PIK3C2G: variants seen among roughly 807,000 people sequenced by gnomAD.
PIK3C2G encodes phosphatidylinositol 3-kinase C2 domain-containing subunit gamma.
Under a neutral mutation model 181.1 loss-of-function variants are expected in PIK3C2G, and 168 were observed. That is an observed-to-expected ratio of 0.93 (90% CI 0.82 to 1.05). The LOEUF is 1.05. Ranked by LOEUF, PIK3C2G falls within the 50% of genes least tolerant of loss-of-function variation. PIK3C2G has a pLI of 0.00. For missense variants in PIK3C2G, 1,869 were observed against 1,732.8 expected (o/e 1.08, Z -1.40); for synonymous variants, 573 against 592.2 (o/e 0.97, Z 0.47).
intron 6 of PIK3C2G, chr12:18,314,749 G>A (rs903468496): frequency 2.0e-5 from 3 of 152,150 alleles, no homozygotes; most frequent in African/African-American, 4.8e-5. Context: ...TAAGGTTATC[G>A]TATTTATACT....
intron 14 of PIK3C2G, 32 bp downstream of exon 14, chr12:18,381,912 A>C (rs1403878957): frequency 8.0e-7 from 1 of 1,242,572 alleles, no homozygotes; most frequent in African/African-American, 1.5e-5. Flanking sequence ...TAAAGTACAC[A>C]TGGCAAGTAT....
intron 5 of PIK3C2G, among the ~76,000 whole-genome samples, 160 bp downstream of exon 5, chr12:18,294,175 A>G (rs1176801005): frequency 6.6e-6 from 1 of 152,142 alleles, no homozygotes; most frequent in Non-Finnish European, 1.5e-5. Flanking sequence ...TTTCTAAATC[A>G]TATTAACAAT....
At position 18,329,623 on chromosome 12, in the gene PIK3C2G, T is replaced by A. The variant is rs60953267; in HGVS notation, c.1272+4525T>A. ...GTTGTTATTAGTTCATTTTCATTGT[T>A]GTGTAATAATTCCATTAAAAGACTG... On this transcript the variant is annotated intron_variant, in intron 8 of 32. Coordinates refer to ENST00000538779, the MANE Select transcript of PIK3C2G (RefSeq NM_001288772.2). Among the ~76,000 whole-genome samples, 373 of 152,148 alleles carry A rather than the reference T, an allele frequency of 2.5e-3. 2 individuals carry two copies. Among genetic ancestry groups the A allele is most frequent in the African/African-American group, 8.3e-3 (343 of 41,546 alleles).
At chr12:18,256,502 A>C (rs1456918550) in intron 1 of PIK3C2G, among the ~76,000 whole-genome samples, 1 of 152,138 alleles carries the variant, frequency 6.6e-6, no homozygotes, top group Non-Finnish European at 1.5e-5. Context: ...CTTCGAAACT[A>C]TAAAGAACTT....
chr12:18,282,779 A>T lies in PIK3C2G; in HGVS notation c.678+20A>T, dbSNP rs781353001. On this transcript the variant is annotated intron_variant, in intron 2 of 32. Coordinates refer to ENST00000538779, the MANE Select transcript of PIK3C2G (RefSeq NM_001288772.2). The stretch of plus-strand genomic sequence containing the variant: ...ATAGAGGTAAGTATAATACATGTCA[A>T]TGTAAAAATATGAATCTGAAAGAAT... 2.1e-6 allele frequency: 3 copies of T among 1,402,358 alleles called. No individual in the cohort carries two copies. Among genetic ancestry groups the T allele is most frequent in the Non-Finnish European group, 2.9e-6 (3 of 1,027,670 alleles). 86.9% of individuals were successfully genotyped at this position (1,402,358 alleles called of 1,614,324 possible). A position where few individuals can be genotyped will look rare whatever the true frequency, so the allele number is the denominator to read the frequency against.
intron 29 of PIK3C2G, among the ~76,000 whole-genome samples, chr12:18,569,296 C>G (rs10841040): frequency 0.16 from 23,771 of 151,828 alleles, 2,190 homozygotes; most frequent in East Asian, 0.25. Context: ...AGCAACTGTT[C>G]CAGTCCCCAG....
At chr12:18,601,148 C>G (rs1161022105) in intron 30 of PIK3C2G, among the ~76,000 whole-genome samples, 2 of 151,758 alleles carry the variant, frequency 1.3e-5, no homozygotes, top group Admixed American at 1.3e-4. Flanking sequence ...AATATTAGTA[C>G]TATACATAAT....
At chr12:18,619,464 AT>A (rs1478752903) in intron 31 of PIK3C2G, among the ~76,000 whole-genome samples, 7 of 152,192 alleles carry the variant, frequency 4.6e-5, no homozygotes, top group Non-Finnish European at 1.0e-4. Flanking sequence ...GCTAAGGCCA[AT>A]TTGAGATGTT....
chr12:18,666,698 A>C, the PIK3C2G span, among the ~76,000 whole-genome samples: 3 of 152,198 alleles, frequency 2.0e-5, no homozygotes, highest in Non-Finnish European at 4.4e-5. Flanking sequence ...ACAATGCTAT[A>C]AACCAACTAA....
chr12:18,553,559 T>C (rs1944847184), intron 26 of PIK3C2G, among the ~76,000 whole-genome samples: 1 of 152,128 alleles, frequency 6.6e-6, no homozygotes, highest in South Asian at 2.1e-4. Flanking sequence ...CTAGCTGAAC[T>C]TGTAGCATGA....
chr12:18,458,789 G>T (rs939160086), intron 18 of PIK3C2G, among the ~76,000 whole-genome samples: 2 of 151,448 alleles, frequency 1.3e-5, no homozygotes, highest in Non-Finnish European at 2.9e-5. Context: ...GATGGTAAGG[G>T]TCATGCAGCA....
At chr12:18,486,141 A>C (rs1420627226) in intron 18 of PIK3C2G, among the ~76,000 whole-genome samples, 1 of 152,196 alleles carries the variant, frequency 6.6e-6, no homozygotes, top group Non-Finnish European at 1.5e-5. Context: ...TCAATTCTGC[A>C]GTGTACAAAA....
Position 18,428,392 on chromosome 12 carries a change from G to A in PIK3C2G, c.2504+4353G>A, listed in dbSNP as rs907183091. 4.7e-5 allele frequency among the ~76,000 whole-genome samples: 7 copies of A among 147,802 alleles called. No homozygotes were observed. In the South Asian group the frequency reaches 6.3e-4, roughly 13 times the overall value. ...ATGAGTTTATGAGATTTTTTTTCAC[G>A]TGGATGAATTACTGCTTCCTCAGAT... On this transcript the variant is annotated intron_variant, in intron 18 of 32. Coordinates refer to ENST00000538779, the MANE Select transcript of PIK3C2G (RefSeq NM_001288772.2).
intron 17 of PIK3C2G, among the ~76,000 whole-genome samples, chr12:18,421,299 C>T (rs938583528): frequency 6.6e-6 from 1 of 151,752 alleles, no homozygotes; most frequent in African/African-American, 2.4e-5. Flanking sequence ...GCTCATGATA[C>T]AAATTTATAA....
At chr12:18,356,005 TGTG>T (rs1940692734) in intron 11 of PIK3C2G, among the ~76,000 whole-genome samples, 1 of 152,150 alleles carries the variant, frequency 6.6e-6, no homozygotes, top group Admixed American at 6.5e-5. Flanking sequence ...GGTCCAGTCT[TGTG>T]GCCTTCCGGC....
chr12:18,364,820 C>T (rs1941522248), intron 12 of PIK3C2G, among the ~76,000 whole-genome samples: 2 of 152,098 alleles, frequency 1.3e-5, no homozygotes, highest in Non-Finnish European at 2.9e-5. Context: ...TTTGCTCAAA[C>T]CCAGGAGACA....
At chr12:18,522,348 T>G (rs2136186781) in intron 24 of PIK3C2G, among the ~76,000 whole-genome samples, 1 of 152,366 alleles carries the variant, frequency 6.6e-6, no homozygotes, top group African/African-American at 2.4e-5. Flanking sequence ...GAGCCTTTTT[T>G]TCTCGTTTTC....
intron 29 of PIK3C2G, among the ~76,000 whole-genome samples, chr12:18,578,277 A>G (rs1047854751): frequency 1.3e-5 from 2 of 152,178 alleles, no homozygotes; most frequent in African/African-American, 4.8e-5. Context: ...GTGGCTTCAT[A>G]AAGTCTTTTA....
At position 18,642,816 on chromosome 12, in the gene PIK3C2G, G is replaced by GTGTGTGTGTGTC. The variant is rs34243563; in HGVS notation, c.4308+2269_4308+2270insGTGTCTGTGTGT. Among the ~76,000 whole-genome samples the GTGTGTGTGTGTC allele has an allele frequency of 5.8e-3, 859 of 148,958 alleles. 10 individuals carry two copies. Among genetic ancestry groups the GTGTGTGTGTGTC allele is most frequent in the African/African-American group, 0.019 (721 of 38,930 alleles). ...TGTGTGTGTGTGTGTGTGTGTGTGTGTGTGTGTATAAAATGTAAATACATG... is the reference window on the plus strand; with the variant it reads ...TGTGTGTGTGTGTGTGTGTGTGTGTGTGTGTGTGTGTCTGTGTGTATAAAATGTAAATACATG... On this transcript the variant is annotated intron_variant, in intron 32 of 32. Coordinates refer to ENST00000538779, the MANE Select transcript of PIK3C2G (RefSeq NM_001288772.2).
Sources: gnomAD v4.1 joint callset for allele counts (sites outside exome capture counted in the v4.1 genomes callset) on GRCh38, gnomAD v4.1.1 for gene constraint, MANE v1.5 for transcripts, NCBI Gene and HGNC (gene_info 2026-07-23, HGNC 2026-07-21) for gene names.